TEK: variants seen among roughly 807,000 people sequenced by gnomAD.
The protein encoded by TEK is angiopoietin-1 receptor.
TEK carries 43 observed loss-of-function variants against 131.8 expected under a neutral mutation model. The observed-to-expected ratio is 0.33, with a 90% CI of 0.26 to 0.42. TEK has a LOEUF of 0.42. TEK is among the 10% of genes least tolerant of loss of function. TEK has a pLI of 1.00. For synonymous variants in TEK, 580 were observed against 491.6 expected (o/e 1.18, Z -2.38); for missense variants, 1,162 against 1,384.4 (o/e 0.84, Z 2.55).
In TEK at chr9:27,109,518, C is replaced by T. The variant is rs754678257; in HGVS notation, c.-73C>T. 12 of 1,530,464 alleles carry T rather than the reference C, an allele frequency of 7.8e-6. No individual in the cohort carries two copies. In the South Asian group the frequency reaches 7.8e-5, roughly 10 times the overall value. 94.8% of individuals were successfully genotyped at this position (1,530,464 alleles called of 1,614,324 possible). ...ACGATGCTAATGGAAAGTCACAAAC[C>T]GCTGGGTTTTTGAAAGGATCCTTGG... On this transcript the variant is annotated 5_prime_UTR_variant, in exon 1 of 23. Transcript: ENST00000380036.
At chr9:27,202,210 T>A (rs1318120411) in intron 12 of TEK, among the ~76,000 whole-genome samples, 1 of 152,182 alleles carries the variant, frequency 6.6e-6, no homozygotes, top group African/African-American at 2.4e-5. Flanking sequence ...CCCAAATCCC[T>A]ATAATACTTT....
Position 27,204,706 on chromosome 9 carries a change from T to A in TEK, c.2210-205T>A, listed in dbSNP as rs12346511. Among the ~76,000 whole-genome samples, 35,731 of 150,748 alleles carry A rather than the reference T, an allele frequency of 0.24. 4,381 individuals carry two copies. Among genetic ancestry groups the A allele is most frequent in the Admixed American group, 0.31 (4,736 of 15,176 alleles). Reference sequence around the variant, plus strand: ...GCACTTTTGCATGTTTTTTTTTTTTTTAATCTTATTACAACCCTGTGAGTC... The same window carrying A: ...GCACTTTTGCATGTTTTTTTTTTTTATAATCTTATTACAACCCTGTGAGTC... On this transcript the variant is annotated intron_variant, in intron 13 of 22. Coordinates refer to ENST00000380036, the MANE Select transcript of TEK (RefSeq NM_000459.5).
At chr9:27,225,516 T>A (rs923951048) in intron 21 of TEK, among the ~76,000 whole-genome samples, 18 of 152,086 alleles carry the variant, frequency 1.2e-4, no homozygotes, top group African/African-American at 4.1e-4. Context: ...ATAAATGGCG[T>A]TGGGAAAACT....
intron 20 of TEK, 139 bp downstream of exon 20, chr9:27,218,956 T>C (rs1564107026): frequency 2.3e-6 from 2 of 874,240 alleles, no homozygotes; most frequent in Non-Finnish European, 3.8e-6. Context: ...AGAAACATAG[T>C]GTATTAATTC....
At chr9:27,131,655 A>C (rs1241133532) in intron 1 of TEK, among the ~76,000 whole-genome samples, 1 of 151,540 alleles carries the variant, frequency 6.6e-6, no homozygotes, top group Non-Finnish European at 1.5e-5. Context: ...TAAAAAAAAA[A>C]AAAAAATTAG....
At chr9:27,228,475 T>C (rs1385979952) in intron 22 of TEK, among the ~76,000 whole-genome samples, 170 bp downstream of exon 22, 4 of 152,106 alleles carry the variant, frequency 2.6e-5, no homozygotes, top group Non-Finnish European at 5.9e-5. Flanking sequence ...GTTACAATTT[T>C]GGGGGGAAAT....
chr9:27,188,436 T>C (rs1334509376), intron 9 of TEK, among the ~76,000 whole-genome samples: 1 of 152,194 alleles, frequency 6.6e-6, no homozygotes, highest in Non-Finnish European at 1.5e-5. Context: ...TTTTAAACCC[T>C]TGTAGAAGTA....
At position 27,190,617 on chromosome 9, in the gene TEK, G is replaced by C. The variant is rs768535808; in HGVS notation, c.1416G>C (p.Gly472=). 9.3e-6 allele frequency: 15 copies of C among 1,613,964 alleles called. No homozygotes were observed. Among genetic ancestry groups the C allele is most frequent in the East Asian group, 6.7e-5 (3 of 44,872 alleles). Residue 472 remains glycine (G), a synonymous_variant, in exon 10 of 23, where the codon GGG becomes GGC. Coordinates refer to ENST00000380036, the MANE Select transcript of TEK (RefSeq NM_000459.5). The part of the protein sequence containing the change: ...VINISSEPYF[G]DGPIKSKKLL... ...ACATCAGCTCTGAGCCTTACTTTGG[G>C]GATGGACCAATCAAATCCAAGAAGC...
intron 6 of TEK, among the ~76,000 whole-genome samples, chr9:27,178,401 C>T (rs188831933): frequency 2.6e-5 from 4 of 152,200 alleles, no homozygotes; most frequent in Admixed American, 2.6e-4. Flanking sequence ...TGTGATGTCT[C>T]TAGCTTTGTT....
chr9:27,188,479 G>T (rs562525467), intron 9 of TEK, among the ~76,000 whole-genome samples: 23 of 152,164 alleles, frequency 1.5e-4, no homozygotes, highest in African/African-American at 5.3e-4. Flanking sequence ...GTAATAAAAT[G>T]TGCATCTGCT....
intron 1 of TEK, among the ~76,000 whole-genome samples, chr9:27,126,244 A>T (rs528643511): frequency 6.6e-6 from 1 of 152,210 alleles, no homozygotes; most frequent in Non-Finnish European, 1.5e-5. Context: ...TACCTAACAC[A>T]TAAGTTTTCT....
chr9:27,182,652 A>G (rs559241712), intron 7 of TEK, among the ~76,000 whole-genome samples: 1 of 152,214 alleles, frequency 6.6e-6, no homozygotes, highest in Admixed American at 6.5e-5. Flanking sequence ...GTGTTGGACA[A>G]TTTTCAAACA....
chr9:27,120,760 C>G (rs1821754593), intron 1 of TEK, among the ~76,000 whole-genome samples: 1 of 152,228 alleles, frequency 6.6e-6, no homozygotes, highest in Admixed American at 6.5e-5. Context: ...AGGTGAGCTA[C>G]TTTGAGACTG....
intron 7 of TEK, among the ~76,000 whole-genome samples, chr9:27,181,907 C>A (rs938243303): frequency 6.6e-6 from 1 of 152,090 alleles, no homozygotes; most frequent in African/African-American, 2.4e-5. Context: ...ACAGCTATGG[C>A]CTTTTTTTCT....
intron 1 of TEK, among the ~76,000 whole-genome samples, chr9:27,117,039 T>A (rs544166937): frequency 3.3e-5 from 5 of 151,698 alleles, no homozygotes; most frequent in Non-Finnish European, 4.4e-5. Flanking sequence ...TTTTTTTTTT[T>A]AATTTTTAGT....
At chr9:27,207,060 G>T (rs115424035) in intron 15 of TEK, among the ~76,000 whole-genome samples, 1 of 152,152 alleles carries the variant, frequency 6.6e-6, no homozygotes, top group South Asian at 2.1e-4. Flanking sequence ...TAACTTTTGC[G>T]GAGCATCATT....
intron 16 of TEK, among the ~76,000 whole-genome samples, chr9:27,212,083 T>A (rs1346793946): frequency 6.6e-6 from 1 of 152,072 alleles, no homozygotes; most frequent in Non-Finnish European, 1.5e-5. Flanking sequence ...TATTTTTTCC[T>A]AAAAGCTTGA....
At chr9:27,137,892 C>G (rs546318135) in intron 1 of TEK, among the ~76,000 whole-genome samples, 11 of 152,014 alleles carry the variant, frequency 7.2e-5, no homozygotes, top group African/African-American at 2.2e-4. Flanking sequence ...ACTGTGGACC[C>G]TTGCGGTGAG....
At chr9:27,211,993 T>TTA (rs1554701295) in intron 16 of TEK, among the ~76,000 whole-genome samples, 1 of 144,054 alleles carries the variant, frequency 6.9e-6, no homozygotes, top group African/African-American at 2.6e-5. Flanking sequence ...AACGTTTTAT[T>TTA]AAAAAAAAAA....
Sources: gnomAD v4.1 joint callset for allele counts (sites outside exome capture counted in the v4.1 genomes callset) on GRCh38, gnomAD v4.1.1 for gene constraint, MANE v1.5 for transcripts, NCBI Gene and HGNC (gene_info 2026-07-23, HGNC 2026-07-21) for gene names.